The following DMD variants were observed in gnomAD, a reference collection of about 807,000 sequenced individuals.
DMD encodes mutant dystrophin.
Under a neutral mutation model 330.1 loss-of-function variants are expected in DMD, and 63 were observed. The ratio of observed to expected loss-of-function variants is 0.19; its 90% CI spans 0.16 to 0.24. The LOEUF is 0.24. DMD is among the 10% of genes least tolerant of loss of function. DMD has a pLI of 1.00. For missense variants in DMD, 3,344 were observed against 2,684.1 expected (o/e 1.25, Z -5.43); for synonymous variants, 1,223 against 959.8 (o/e 1.27, Z -5.07).
intron 2 of DMD, among the ~76,000 whole-genome samples, chrX:32,925,657 A>G (rs1184299071): frequency 8.9e-6 from 1 of 112,115 alleles, no homozygotes. Flanking sequence ...ATAGTATGTA[A>G]AAGTGTAGTA....
At chrX:31,955,580 T>A (rs2095238595) in intron 45 of DMD, among the ~76,000 whole-genome samples, 1 of 112,332 alleles carries the variant, frequency 8.9e-6, no homozygotes, top group South Asian at 3.7e-4. Flanking sequence ...ACGTATAAAA[T>A]CTCTATAACT....
intron 60 of DMD, among the ~76,000 whole-genome samples, chrX:31,380,940 T>C (rs1425776749): frequency 5.4e-5 from 6 of 110,803 alleles, no homozygotes; most frequent in Non-Finnish European, 3.8e-5. Flanking sequence ...CTCGGCATAA[T>C]TCTCATAAAA....
rs987438890 is a variant in DMD at position 31,845,986 on chromosome X, G to A, written c.7099-9167C>T. ...CAGTGATACTTGTAGAGTGACTGAAGAGGATAGAGCCAGAATTAGGTATTC... is the reference window on the plus strand; with the variant it reads ...CAGTGATACTTGTAGAGTGACTGAAAAGGATAGAGCCAGAATTAGGTATTC... On this transcript the variant is annotated intron_variant, in intron 48 of 78. Transcript: ENST00000357033. 5.4e-5 allele frequency among the ~76,000 whole-genome samples: 6 copies of A among 111,206 alleles called. No individual in the cohort carries two copies. In the Admixed American group the frequency reaches 5.8e-4, roughly 11 times the overall value.
intron 44 of DMD, among the ~76,000 whole-genome samples, chrX:32,137,220 G>T (rs938963782): frequency 1.8e-5 from 2 of 111,273 alleles, no homozygotes; most frequent in Non-Finnish European, 3.8e-5. Context: ...CACCTGATTT[G>T]TGTATGCCAT....
At chrX:32,432,664 C>G (rs1452931297) in intron 29 of DMD, among the ~76,000 whole-genome samples, 2 of 112,231 alleles carry the variant, frequency 1.8e-5, no homozygotes, top group Non-Finnish European at 3.8e-5. Flanking sequence ...TGACGTAAAA[C>G]TGTGCTCAAA....
At chrX:32,726,021 T>G (rs966036382) in intron 7 of DMD, among the ~76,000 whole-genome samples, 4 of 110,957 alleles carry the variant, frequency 3.6e-5, no homozygotes, top group Non-Finnish European at 5.7e-5. Flanking sequence ...TATATGCAAT[T>G]TCTAATAGGT....
intron 9 of DMD, among the ~76,000 whole-genome samples, chrX:32,667,306 G>A (rs1322091439): frequency 1.8e-5 from 2 of 111,599 alleles, no homozygotes; most frequent in Non-Finnish European, 3.8e-5. Flanking sequence ...AACTGTCTCT[G>A]TCCTCATGGA....
chrX:31,823,474 T>C (rs950530088), intron 49 of DMD, among the ~76,000 whole-genome samples: 3 of 112,102 alleles, frequency 2.7e-5, no homozygotes, highest in African/African-American at 9.7e-5. Flanking sequence ...TAAGTTTCTT[T>C]TCCCCCAACT....
chrX:32,386,346 T>G lies in DMD; in HGVS notation c.4638A>C (p.Thr1546=), dbSNP rs2097958196. The change falls in exon 33 of 79, where the codon ACA becomes ACC. Residue 1546 remains threonine (T), a synonymous_variant. Transcript: ENST00000357033. ...GCTCATTATAATGCAATTTCAAAGC[T>G]GTTACTCTTTCATCAAGTTCTTTGG... ...ENPKELDERV[T]ALKLHYNELG... 8.3e-7 allele frequency: 1 copy of G among 1,207,415 alleles called. No individual in the cohort carries two copies. Among genetic ancestry groups the G allele is most frequent in the African/African-American group, 1.8e-5 (1 of 56,931 alleles).
chrX:31,634,927 TA>T (rs1441434657), intron 54 of DMD, among the ~76,000 whole-genome samples: 1 of 111,765 alleles, frequency 8.9e-6, no homozygotes, highest in Non-Finnish European at 1.9e-5. Flanking sequence ...TATACACACA[TA>T]TTTTTTTCTT....
At chrX:32,509,368 C>T (rs371503851) in intron 18 of DMD, among the ~76,000 whole-genome samples, 2 of 110,580 alleles carry the variant, frequency 1.8e-5, no homozygotes, top group Admixed American at 1.9e-4. Context: ...CAGAAATATA[C>T]ATTAAAAAGC....
chrX:32,699,027 T>TTA (rs779347528), intron 8 of DMD, 85 bp downstream of exon 8: 42 of 810,732 alleles, frequency 5.2e-5, no homozygotes, highest in Middle Eastern at 6.3e-4. Context: ...TACATATAAG[T>TTA]TATATATATA....
chrX:32,056,841 G>A (rs777162808), intron 44 of DMD, among the ~76,000 whole-genome samples: 21 of 111,034 alleles, frequency 1.9e-4, no homozygotes, highest in Non-Finnish European at 3.0e-4. Flanking sequence ...GAACAATACC[G>A]CTGATAAATA....
chrX:32,753,313 G>T (rs1308187580), intron 7 of DMD, among the ~76,000 whole-genome samples: 1 of 111,905 alleles, frequency 8.9e-6, no homozygotes, highest in Admixed American at 9.5e-5. Flanking sequence ...TATATTCCAA[G>T]ACATGAGCCT....
chrX:32,928,223 G>A, intron 2 of DMD, among the ~76,000 whole-genome samples: 1 of 109,421 alleles, frequency 9.1e-6, no homozygotes, highest in Middle Eastern at 4.8e-3. Flanking sequence ...TTTTTTCTTT[G>A]TCATAAGAAC....
chrX:32,100,030 A>T (rs1267185063), intron 44 of DMD, among the ~76,000 whole-genome samples: 1 of 110,976 alleles, frequency 9.0e-6, no homozygotes, highest in Non-Finnish European at 1.9e-5. Flanking sequence ...ACTAAACATG[A>T]TCTAATTTTA....
intron 60 of DMD, among the ~76,000 whole-genome samples, chrX:31,371,903 G>A (rs773232182): frequency 2.0e-4 from 22 of 112,350 alleles, no homozygotes; most frequent in Admixed American, 9.4e-5. Context: ...TCAACTGAGA[G>A]CCACTGGGCA....
intron 60 of DMD, among the ~76,000 whole-genome samples, chrX:31,431,641 C>T (rs1471335430): frequency 1.8e-5 from 2 of 111,282 alleles, no homozygotes; most frequent in African/African-American, 6.6e-5. Context: ...AGGTGATCCA[C>T]CCGCCTCGGC....
chrX:31,659,639 GAAAAAAAAAA>G (rs869195395), intron 53 of DMD, among the ~76,000 whole-genome samples: 515 of 39,970 alleles, frequency 0.013, 7 homozygotes, highest in African/African-American at 0.043. Context: ...CTCCATCTCG[GAAAAAAAAAA>G]AAAAAAAAAA....
Sources: gnomAD v4.1 joint callset for allele counts (sites outside exome capture counted in the v4.1 genomes callset) on GRCh38, gnomAD v4.1.1 for gene constraint, MANE v1.5 for transcripts, NCBI Gene and HGNC (gene_info 2026-07-23, HGNC 2026-07-21) for gene names.